The following MTPN variants were observed in gnomAD, a reference collection of about 807,000 sequenced individuals.
MTPN encodes granule cell differentiation protein.
In MTPN, 2 loss-of-function variants were observed where a neutral mutation model predicts 13.5. The observed-to-expected ratio is 0.15, with a 90% CI of 0.06 to 0.47. MTPN has a LOEUF of 0.47. Ranked by LOEUF, MTPN falls within the 20% of genes least tolerant of loss-of-function variation. The probability of loss-of-function intolerance (pLI) is 0.97; values close to 1 mark genes in which losing one functional copy is unlikely to be tolerated. For synonymous variants in MTPN, 46 were observed against 51.7 expected (o/e 0.89, Z 0.48); for missense variants, 79 against 137.9 (o/e 0.57, Z 2.14).
intron 3 of MTPN, among the ~76,000 whole-genome samples, chr7:135,939,376 C>A (rs557797921): frequency 6.6e-6 from 1 of 152,186 alleles, no homozygotes; most frequent in African/African-American, 2.4e-5. Flanking sequence ...ACACAACCCA[C>A]TTCCAACCCG....
At chr7:135,952,984 T>C (rs936803517) in intron 1 of MTPN, among the ~76,000 whole-genome samples, 5 of 152,026 alleles carry the variant, frequency 3.3e-5, no homozygotes, top group African/African-American at 4.8e-5. Flanking sequence ...TTCTCAACAA[T>C]TGTATTATTC....
chr7:135,938,287 C>T (rs896329456), intron 3 of MTPN, among the ~76,000 whole-genome samples: 1 of 152,202 alleles, frequency 6.6e-6, no homozygotes, highest in Admixed American at 6.5e-5. Flanking sequence ...TAAACACACA[C>T]ACATACCCTT....
intron 3 of MTPN, among the ~76,000 whole-genome samples, chr7:135,936,836 G>A (rs1799122487): frequency 6.6e-6 from 1 of 152,084 alleles, no homozygotes; most frequent in Admixed American, 6.5e-5. Context: ...TGTCATTCTA[G>A]GGAGTAAACG....
chr7:135,951,087 A>G (rs1188748625), intron 2 of MTPN, among the ~76,000 whole-genome samples: 1 of 152,212 alleles, frequency 6.6e-6, no homozygotes, highest in Non-Finnish European at 1.5e-5. Context: ...CCCCTGAAAT[A>G]CAGAAGCTAC....
In MTPN at chr7:135,977,180, A is replaced by C. The variant is rs1001325984; in HGVS notation, c.-80T>G. On this transcript the variant is annotated 5_prime_UTR_variant, in exon 1 of 4. Transcript: ENST00000393085. The stretch of plus-strand genomic sequence containing the variant: ...CAGCAAGCGGATGCCGCCGGGCGAG[A>C]GGGAGGCAGGGCCGCGCGAAGCCGG... 7 of 1,425,176 alleles carry C rather than the reference A, an allele frequency of 4.9e-6. No homozygotes were observed. In the African/African-American group the frequency reaches 9.8e-5, roughly 20 times the overall value. The allele number at this position is 1,425,176 out of a possible 1,614,324, so 88.3% of individuals were successfully genotyped here. A position where few individuals can be genotyped will look rare whatever the true frequency, so the allele number is the denominator to read the frequency against.
chr7:135,942,685 G>C (rs1277232913), intron 3 of MTPN, among the ~76,000 whole-genome samples: 1 of 152,214 alleles, frequency 6.6e-6, no homozygotes, highest in African/African-American at 2.4e-5. Context: ...ATTTAACTGT[G>C]AGCTATTTTA....
At chr7:135,957,459 C>A (rs757684919) in intron 1 of MTPN, among the ~76,000 whole-genome samples, 28 of 151,954 alleles carry the variant, frequency 1.8e-4, no homozygotes, top group Non-Finnish European at 2.6e-4. Context: ...TCTCTTGAGT[C>A]TTCCTTGGTC....
At chr7:135,959,493 TAA>T (rs1387222074) in intron 1 of MTPN, among the ~76,000 whole-genome samples, 1 of 152,120 alleles carries the variant, frequency 6.6e-6, no homozygotes, top group Non-Finnish European at 1.5e-5. Context: ...CATTAGAGTG[TAA>T]AGTATAGAAT....
chr7:135,976,926 C>T, intron 1 of MTPN, 103 bp downstream of exon 1: 3 of 665,028 alleles, frequency 4.5e-6, no homozygotes, highest in Non-Finnish European at 5.6e-6. Context: ...GAAGTCTCTC[C>T]TCCCGCCCAC....
At chr7:135,973,158 T>C (rs376577662) in intron 1 of MTPN, among the ~76,000 whole-genome samples, 22 of 150,496 alleles carry the variant, frequency 1.5e-4, no homozygotes, top group African/African-American at 2.7e-4. Context: ...TATATTCATG[T>C]TATTGAGAGA....
chr7:135,974,002 G>A (rs530911346), intron 1 of MTPN, among the ~76,000 whole-genome samples: 6 of 152,254 alleles, frequency 3.9e-5, no homozygotes, highest in Non-Finnish European at 5.9e-5. Context: ...AGTTATACAT[G>A]AAACATTTAA....
Position 135,967,035 on chromosome 7 carries a change from C to A in MTPN, c.72+9994G>T, listed in dbSNP as rs187457648. On this transcript the variant is annotated intron_variant, in intron 1 of 3. Transcript: ENST00000393085. ...AGTTTGTGAGCCACTATTCAAGTGA[C>A]TAAATGGTAATAACTGATCCATATT... Among the ~76,000 whole-genome samples, 250 of 152,228 alleles carry A rather than the reference C, an allele frequency of 1.6e-3. 6 individuals carry two copies. The highest frequency in any genetic ancestry group is 0.015 in the Admixed American group (234 of 15,280).
At chr7:135,943,565 A>G (rs998273239) in intron 3 of MTPN, among the ~76,000 whole-genome samples, 5 of 152,216 alleles carry the variant, frequency 3.3e-5, no homozygotes, top group Non-Finnish European at 7.4e-5. Context: ...CTCTATAGCA[A>G]TTATACATAA....
At chr7:135,943,698 A>AT (rs1799246441) in intron 3 of MTPN, among the ~76,000 whole-genome samples, 1 of 152,230 alleles carries the variant, frequency 6.6e-6, no homozygotes, top group South Asian at 2.1e-4. Flanking sequence ...TTAGCGCTGC[A>AT]TAACCATCAG....
At chr7:135,955,961 G>GTCTTTCCTTAGGAGGA (rs1799438395) in intron 1 of MTPN, among the ~76,000 whole-genome samples, 1 of 152,130 alleles carries the variant, frequency 6.6e-6, no homozygotes, top group Admixed American at 6.5e-5. Context: ...GTGAAAGACT[G>GTCTTTCCTTAGGAGGA]AATGCTTTCC....
chr7:135,975,596 T>C (rs1236252978), intron 1 of MTPN, among the ~76,000 whole-genome samples: 2 of 152,238 alleles, frequency 1.3e-5, no homozygotes, highest in African/African-American at 4.8e-5. Flanking sequence ...ACTTTTTGTA[T>C]TTCAAGTATA....
rs1798989180 is a variant in MTPN, at chr7:135,929,854, TGACAGACA to T, written c.*64_*71del. 7.1e-7 allele frequency: 1 copy of T among 1,412,358 alleles called. No individual in the cohort carries two copies. The highest frequency in any genetic ancestry group is 1.0e-6 in the Non-Finnish European group (1 of 997,088). 87.5% of individuals were successfully genotyped at this position (1,412,358 alleles called of 1,614,324 possible). ...GCTGAAGAAGCTGGCAGATAGAGAG[TGACAGACA>T]GACAGGCAGCAGTGTGAGGCCACAG... On this transcript the variant is annotated 3_prime_UTR_variant, in exon 4 of 4. Coordinates refer to ENST00000393085, the MANE Select transcript of MTPN (RefSeq NM_145808.4).
chr7:135,934,345 C>T (rs2116343615), intron 3 of MTPN, among the ~76,000 whole-genome samples: 1 of 152,314 alleles, frequency 6.6e-6, no homozygotes, highest in African/African-American at 2.4e-5. Flanking sequence ...CCCATGGGTA[C>T]ACTCCTCACC....
At chr7:135,975,458 T>C (rs2116419454) in intron 1 of MTPN, among the ~76,000 whole-genome samples, 1 of 152,338 alleles carries the variant, frequency 6.6e-6, no homozygotes, top group Non-Finnish European at 1.5e-5. Flanking sequence ...CTCAGTAATC[T>C]GTAAAATGGG....
Sources: allele counts gnomAD v4.1 joint callset (sites outside exome capture counted in the v4.1 genomes callset), GRCh38; gene constraint gnomAD v4.1.1; transcripts MANE v1.5; gene names NCBI Gene and HGNC (gene_info 2026-07-23, HGNC 2026-07-21).